The following CPNE5 variants were observed in gnomAD, a reference collection of about 807,000 sequenced individuals.
CPNE5 encodes copine 5.
In CPNE5, 42 loss-of-function variants were observed where a neutral mutation model predicts 81.1. The observed-to-expected ratio is 0.52, with a 90% confidence interval of 0.40 to 0.67. The LOEUF is 0.67. CPNE5 is among the 30% of genes least tolerant of loss of function. The pLI is 0.00. For synonymous variants in CPNE5, 313 were observed against 321.5 expected, an observed-to-expected ratio of 0.97 and a Z score of 0.28; for missense variants, 612 against 815.5, an observed-to-expected ratio of 0.75 and a Z score of 3.04.
At chr6:36,814,588 T>A (rs2150569382) in intron 3 of CPNE5, among the ~76,000 whole-genome samples, 1 of 151,996 alleles carries the variant, frequency 6.6e-6, no homozygotes, top group South Asian at 2.1e-4. Context: ...AGATGTGTAA[T>A]CCTCAGAAGC....
chr6:36,837,391 T>G (rs573173157), intron 1 of CPNE5, among the ~76,000 whole-genome samples: 3 of 152,246 alleles, frequency 2.0e-5, no homozygotes, highest in Non-Finnish European at 4.4e-5. Flanking sequence ...TCAAGGTATC[T>G]GACTCCAAAG....
intron 3 of CPNE5, among the ~76,000 whole-genome samples, chr6:36,809,015 A>C (rs1307766772): frequency 6.6e-6 from 1 of 152,180 alleles, no homozygotes; most frequent in Non-Finnish European, 1.5e-5. Context: ...TAGGTCTGAC[A>C]GTTTTCAGCC....
intron 1 of CPNE5, among the ~76,000 whole-genome samples, chr6:36,837,718 G>A (rs1290553218): frequency 2.6e-5 from 4 of 152,096 alleles, no homozygotes; most frequent in Non-Finnish European, 4.4e-5. Flanking sequence ...ATGAACTTGG[G>A]GAGATAAAGG....
intron 8 of CPNE5, among the ~76,000 whole-genome samples, chr6:36,786,055 G>T (rs1768516009): frequency 6.6e-6 from 1 of 151,514 alleles, no homozygotes; most frequent in Admixed American, 6.6e-5. Flanking sequence ...AAGGACCACG[G>T]TACATTTATT....
At position 36,839,283 on chromosome 6, in the gene CPNE5, C is replaced by T; in HGVS notation, c.95G>A (p.Arg32Lys). The T allele has an allele frequency of 6.5e-7, 1 of 1,539,782 alleles. No individual in the cohort carries two copies. Among genetic ancestry groups the T allele is most frequent in the Non-Finnish European group, 8.8e-7 (1 of 1,140,346 alleles). The change falls in exon 1 of 21, where the codon AGG becomes AAG. Residue 32 changes from arginine to lysine, a missense_variant and splice_region_variant. Coordinates refer to ENST00000244751, the MANE Select transcript of CPNE5 (RefSeq NM_020939.2). The surrounding 1 kb of genome is among the most constrained non-coding windows in gnomAD (Gnocchi z 7.3). ...ATKVEITVSCRNLLDKDMFSK... is the reference protein window; with the variant it reads ...ATKVEITVSCKNLLDKDMFSK... ...GGGACCCGGCCAGCGGGAGGCTCAC[C>T]TGCAGGACACGGTGATCTCCACCTT...
intron 16 of CPNE5, among the ~76,000 whole-genome samples, chr6:36,745,755 C>A (rs887564877): frequency 1.2e-4 from 19 of 152,088 alleles, no homozygotes; most frequent in African/African-American, 4.6e-4. Context: ...CAGAGATGCC[C>A]CAAGATCCCT....
intron 6 of CPNE5, 40 bp from the exon 7 acceptor site, chr6:36,794,689 G>T (rs745836563): frequency 3.8e-6 from 6 of 1,589,524 alleles, no homozygotes; most frequent in Non-Finnish European, 5.2e-6. Flanking sequence ...GCCATGAGCT[G>T]AGTACCCCCA....
intron 1 of CPNE5, among the ~76,000 whole-genome samples, chr6:36,837,617 G>T (rs1358677550): frequency 1.3e-5 from 2 of 152,202 alleles, no homozygotes; most frequent in African/African-American, 4.8e-5. Flanking sequence ...ACGGGACACA[G>T]AAGACAATGA....
chr6:36,753,911 G>C (rs55994014), intron 13 of CPNE5, among the ~76,000 whole-genome samples: 33,406 of 152,194 alleles, frequency 0.22, 3,837 homozygotes, highest in Middle Eastern at 0.29. Context: ...CTCCTCTCTG[G>C]TAGTTTGGGA....
rs796849302 is a variant in CPNE5 at position 36,825,907 on chromosome 6, C to T, written c.96-2809G>A. ...AGCGCTTTAGGTTTATCTTTGAATTCTATAATGAAATTCAGCAATGACATA... is the reference window on the plus strand; with the variant it reads ...AGCGCTTTAGGTTTATCTTTGAATTTTATAATGAAATTCAGCAATGACATA... On this transcript the variant is annotated intron_variant, in intron 1 of 20. Transcript: ENST00000244751. Among the ~76,000 whole-genome samples, 26 of 152,290 alleles carry T rather than the reference C, an allele frequency of 1.7e-4. No individual in the cohort carries two copies. The East Asian group carries it at 4.1e-3, about 24-fold the overall frequency.
chr6:36,765,400 G>A (rs1489868347), intron 10 of CPNE5, 24 bp from the exon 11 acceptor site: 1 of 1,614,100 alleles, frequency 6.2e-7, no homozygotes, highest in South Asian at 1.1e-5. Context: ...GCCTTTGCTG[G>A]GATGGGCCCA....
chr6:36,822,471 C>T (rs1253134914), intron 2 of CPNE5, among the ~76,000 whole-genome samples: 4 of 152,032 alleles, frequency 2.6e-5, no homozygotes, highest in African/African-American at 9.7e-5. Context: ...GGAGAAGGGT[C>T]GGCACCATTG....
At position 36,775,328 on chromosome 6, in the gene CPNE5, T is replaced by TTCTA. The variant is rs1767408694; in HGVS notation, c.633-267_633-264dup. 7.2e-5 allele frequency among the ~76,000 whole-genome samples: 11 copies of TTCTA among 152,206 alleles called. No individual in the cohort carries two copies. In the South Asian group the frequency reaches 2.3e-3, roughly 32 times the overall value. ...GTCCCAGGGTGTCAGGAGCCCTGGG[T>TTCTA]TCTAGCCTCTGCTCTGGGGCCACCT... On this transcript the variant is annotated intron_variant, in intron 9 of 20. Transcript: ENST00000244751.
intron 10 of CPNE5, among the ~76,000 whole-genome samples, chr6:36,774,090 A>C (rs2150448084): frequency 6.6e-6 from 1 of 152,024 alleles, no homozygotes; most frequent in African/African-American, 2.4e-5. Flanking sequence ...AATTAAAAAA[A>C]AAAAAAAAAT....
intron 13 of CPNE5, chr6:36,755,533 T>TGTGTGTGTG (rs59981821): frequency 1.7e-5 from 2 of 116,732 alleles, no homozygotes; most frequent in African/African-American, 6.3e-5. Context: ...GTGTGTGTGT[T>TGTGTGTGTG]TTTTTTTTTT....
intron 3 of CPNE5, among the ~76,000 whole-genome samples, chr6:36,811,174 C>T (rs1771069239): frequency 6.6e-6 from 1 of 152,126 alleles, no homozygotes; most frequent in Non-Finnish European, 1.5e-5. Flanking sequence ...AGCCTTCTAG[C>T]CCCGGGTCTG....
intron 1 of CPNE5, among the ~76,000 whole-genome samples, chr6:36,829,390 A>G (rs1212157119): frequency 1.3e-5 from 2 of 152,042 alleles, no homozygotes. Context: ...CCAGCTACTC[A>G]AGAGGCTGGG....
intron 15 of CPNE5, among the ~76,000 whole-genome samples, chr6:36,747,939 C>A (rs962650173): frequency 1.3e-5 from 2 of 152,206 alleles, no homozygotes; most frequent in African/African-American, 4.8e-5. Flanking sequence ...TCTCCAGGGC[C>A]CTCCATAGGC....
intron 3 of CPNE5, among the ~76,000 whole-genome samples, chr6:36,809,953 C>G (rs576890135): frequency 6.6e-6 from 1 of 151,854 alleles, no homozygotes; most frequent in South Asian, 2.1e-4. Context: ...ATTTAACCCC[C>G]TCCAATGACC....
Sources: gnomAD v4.1 joint callset for allele counts (sites outside exome capture counted in the v4.1 genomes callset) on GRCh38, gnomAD v4.1.1 for gene constraint, Gnocchi (gnomAD v3.1) non-coding constraint, MANE v1.5 for transcripts, NCBI Gene and HGNC (gene_info 2026-07-23, HGNC 2026-07-21) for gene names.